Variants in PLAUR observed in about 807,000 individuals in gnomAD.
PLAUR encodes urokinase plasminogen activator surface receptor.
In PLAUR, 22 loss-of-function variants were observed where a neutral mutation model predicts 33.4. The observed-to-expected ratio is 0.66, with a 90% confidence interval of 0.47 to 0.94. The LOEUF (loss-of-function observed/expected upper bound fraction) is 0.94, where lower values mean the gene tolerates loss of function less well. Among genes scored for constraint, PLAUR ranks in the 40% least tolerant of loss-of-function variants. The pLI is 0.00. For synonymous variants in PLAUR, 148 were observed against 167.3 expected (o/e 0.88, Z 0.89); for missense variants, 408 against 434.7 (o/e 0.94, Z 0.55).
chr19:43,669,809 CAAAAAAAAAA>C (rs59728904), intron 1 of PLAUR, among the ~76,000 whole-genome samples: 1 of 71,192 alleles, frequency 1.4e-5, no homozygotes, highest in Non-Finnish European at 2.6e-5. Flanking sequence ...GAGACTCTGT[CAAAAAAAAAA>C]AAAAAAAAAA....
intron 3 of PLAUR, among the ~76,000 whole-genome samples, chr19:43,663,987 A>G (rs1967120523): frequency 6.6e-6 from 1 of 152,078 alleles, no homozygotes; most frequent in South Asian, 2.1e-4. Context: ...CCCATCATGG[A>G]AAGGGGCAAC....
At chr19:43,653,065 C>T (rs943113121) in intron 5 of PLAUR, among the ~76,000 whole-genome samples, 28 of 151,916 alleles carry the variant, frequency 1.8e-4, no homozygotes, top group African/African-American at 2.7e-4. Context: ...CTCCCGCCTC[C>T]GCCTCCAAAA....
chr19:43,666,986 C>T lies in PLAUR; in HGVS notation c.166+595G>A, dbSNP rs377097200. On this transcript the variant is annotated intron_variant, in intron 2 of 6. Transcript: ENST00000340093. The stretch of plus-strand genomic sequence containing the variant: ...CCACCTCCCAGGTTCAAGCAATTCT[C>T]CTGTCTCAGCCTCCCAAGTAGCTGA... 6.6e-5 allele frequency among the ~76,000 whole-genome samples: 10 copies of T among 152,288 alleles called. No homozygotes were observed. The East Asian group carries it at 1.4e-3, about 21-fold the overall frequency.
Position 43,665,419 on chromosome 19 carries a change from G to C in PLAUR, c.207C>G (p.His69Gln). 6.2e-7 allele frequency: 1 copy of C among 1,613,480 alleles called. No homozygotes were observed. Among genetic ancestry groups the C allele is most frequent in the Non-Finnish European group, 8.5e-7 (1 of 1,179,912 alleles). Residue 69 changes from histidine to glutamine, a missense_variant, in exon 3 of 7, where the codon CAC (histidine) becomes CAG (glutamine). Transcript: ENST00000340093. The part of the protein sequence containing the change: ...ELELVEKSCT[H>Q]SEKTNRTLSY... ...TCAGGGTCCTGTTGGTCTTCTCTGA[G>C]TGGGTACAGCTTTTCTCCACCAGCT...
chr19:43,658,123 C>T (rs774093927), intron 3 of PLAUR, among the ~76,000 whole-genome samples: 1 of 152,174 alleles, frequency 6.6e-6, no homozygotes, highest in Non-Finnish European at 1.5e-5. Context: ...TGTATGCCTT[C>T]TGTGGCTAGA....
rs564170458 is a variant in PLAUR, at chr19:43,655,586, G to C, written c.473-13C>G. 2 of 1,610,510 alleles carry C rather than the reference G, an allele frequency of 1.2e-6. No homozygotes were observed. The highest frequency in any genetic ancestry group is 2.7e-5 in the African/African-American group (2 of 74,770). On this transcript the variant is annotated splice_polypyrimidine_tract_variant and intron_variant, in intron 4 of 6. Transcript: ENST00000340093. ...TCCTTTGGACGCCCTATGGGGGCCAGGGGACAGAGGTCAGATGTCAGATTG... is the reference window on the plus strand; with the variant it reads ...TCCTTTGGACGCCCTATGGGGGCCACGGGACAGAGGTCAGATGTCAGATTG...
At position 43,664,659 on chromosome 19, in the gene PLAUR, CCAT is replaced by C. The variant is rs534842702; in HGVS notation, c.310+654_310+656del. Among the ~76,000 whole-genome samples the C allele has an allele frequency of 2.2e-4, 34 of 152,330 alleles. No individual in the cohort carries two copies. The South Asian group carries it at 7.0e-3, about 32-fold the overall frequency. ...GTTTTTTCACTGCCCAAGTCAGAGA[CCAT>C]CTATTGCAGAGGATTCTCCCAGCCT... On this transcript the variant is annotated intron_variant, in intron 3 of 6. Transcript: ENST00000340093.
chr19:43,665,095 G>T, intron 3 of PLAUR: 1 of 579,948 alleles, frequency 1.7e-6, no homozygotes, highest in Admixed American at 2.9e-5. Context: ...ACATGAAGTT[G>T]GGCATAGGAT....
intron 6 of PLAUR, among the ~76,000 whole-genome samples, chr19:43,649,593 G>A: frequency 6.8e-6 from 1 of 147,498 alleles, no homozygotes; most frequent in Admixed American, 6.9e-5. Flanking sequence ...AGGGAGGGAA[G>A]AAGGAAGGGA....
intron 6 of PLAUR, chr19:43,651,846 C>G: frequency 9.8e-7 from 1 of 1,020,664 alleles, no homozygotes; most frequent in Non-Finnish European, 1.2e-6. Flanking sequence ...ATGTCTTCAG[C>G]AAATCCCCAC....
intron 3 of PLAUR, among the ~76,000 whole-genome samples, chr19:43,663,098 G>A (rs1967074147): frequency 6.6e-6 from 1 of 151,896 alleles, no homozygotes; most frequent in Admixed American, 6.6e-5. Context: ...TCTCCTCTAG[G>A]GTCCCACAGC....
intron 1 of PLAUR, chr19:43,667,993 C>T (rs1600146629): frequency 1.6e-6 from 2 of 1,217,070 alleles, no homozygotes. Context: ...GTCGTATCCC[C>T]GCCCTCTCTA....
intron 3 of PLAUR, among the ~76,000 whole-genome samples, chr19:43,659,167 C>CTTTTTT (rs3052823): frequency 0.025 from 2,381 of 97,054 alleles, 238 homozygotes; most frequent in African/African-American, 0.068. Flanking sequence ...CTTTTCTTTT[C>CTTTTTT]TTTTTTTTTT....
At chr19:43,652,184 C>T (rs928306003) in intron 6 of PLAUR, 41 bp downstream of exon 6, 32 of 1,606,074 alleles carry the variant, frequency 2.0e-5, no homozygotes, top group Non-Finnish European at 2.6e-5. Flanking sequence ...AACTCTCCAC[C>T]CCCAATAAGT....
chr19:43,651,023 C>T (rs1237988960), intron 6 of PLAUR, among the ~76,000 whole-genome samples: 5 of 142,326 alleles, frequency 3.5e-5, no homozygotes, highest in Non-Finnish European at 6.1e-5. Flanking sequence ...CAGAGCAAGA[C>T]TCCATTTCAA....
intron 1 of PLAUR, among the ~76,000 whole-genome samples, chr19:43,669,653 A>T (rs2146302072): frequency 6.6e-6 from 1 of 151,968 alleles, no homozygotes; most frequent in African/African-American, 2.4e-5. Flanking sequence ...CTCCACTAAA[A>T]ATACAGAAAT....
Position 43,665,467 on chromosome 19 carries a change from G to T in PLAUR, c.167-8C>A. 2 of 1,612,532 alleles carry T rather than the reference G, an allele frequency of 1.2e-6. No homozygotes were observed. The highest frequency in any genetic ancestry group is 1.7e-6 in the Non-Finnish European group (2 of 1,179,666). On this transcript the variant is annotated splice_polypyrimidine_tract_variant and splice_region_variant and intron_variant, in intron 2 of 6. Coordinates refer to ENST00000340093, the MANE Select transcript of PLAUR (RefSeq NM_002659.4). ...GCTCCAGCTCTTCTCCTTCTGCAAG[G>T]AGGGGATCTTCATTACCCCAGAGGC...
chr19:43,649,222 T>TAC, intron 6 of PLAUR, 79 bp from the exon 7 acceptor site: 1 of 1,502,676 alleles, frequency 6.7e-7, no homozygotes, highest in Non-Finnish European at 9.1e-7. Flanking sequence ...ACCTGCCACC[T>TAC]TGCAGTGGGT....
chr19:43,665,105 T>C, intron 3 of PLAUR: 2 of 587,772 alleles, frequency 3.4e-6, no homozygotes, highest in Non-Finnish European at 6.1e-6. Flanking sequence ...GGGCATAGGA[T>C]TGGAGGTGAA....
Sources: allele counts gnomAD v4.1 joint callset (sites outside exome capture counted in the v4.1 genomes callset), GRCh38; gene constraint gnomAD v4.1.1; transcripts MANE v1.5; gene names NCBI Gene and HGNC (gene_info 2026-07-23, HGNC 2026-07-21).